ADCY9: variants seen among roughly 807,000 people sequenced by gnomAD.
The protein encoded by ADCY9 is adenylate cyclase type 9.
ADCY9 carries 50 observed loss-of-function variants against 101.5 expected under a neutral mutation model. The observed-to-expected ratio is 0.49, with a 90% CI of 0.39 to 0.62. ADCY9 has a LOEUF of 0.62. ADCY9 is among the 20% of genes least tolerant of loss of function. ADCY9 has a pLI of 0.00. For missense variants in ADCY9, 1,662 were observed against 1,800.4 expected, an observed-to-expected ratio of 0.92 and a Z score of 1.39; for synonymous variants, 905 against 769.3, an observed-to-expected ratio of 1.18 and a Z score of -2.92.
chr16:4,112,636 C>G (rs2057121168), intron 2 of ADCY9, among the ~76,000 whole-genome samples: 1 of 151,916 alleles, frequency 6.6e-6, no homozygotes, highest in African/African-American at 2.4e-5. Context: ...TCCGAGGATT[C>G]CCTTTCCTGA....
At chr16:3,983,521 C>T (rs3730129) in intron 6 of ADCY9, 81 bp from the exon 7 acceptor site, 74,723 of 1,221,146 alleles carry the variant, frequency 0.061, 3,175 homozygotes, top group East Asian at 0.17. Context: ...AAACAGGCAA[C>T]ACGTGCGGAG....
downstream of ADCY9, among the ~76,000 whole-genome samples, chr16:3,961,560 GGGA>G (rs966212670): frequency 2.0e-5 from 3 of 152,054 alleles, no homozygotes; most frequent in African/African-American, 7.2e-5. Flanking sequence ...GTGGCGACTC[GGGA>G]GGAGAGTGAC....
chr16:3,962,426 T>C (rs1429135185), downstream of ADCY9, among the ~76,000 whole-genome samples: 1 of 152,152 alleles, frequency 6.6e-6, no homozygotes, highest in Non-Finnish European at 1.5e-5. Flanking sequence ...TAAAAATAAA[T>C]ACTTTTCAAC....
chr16:4,017,895 C>T (rs773171128), intron 2 of ADCY9, among the ~76,000 whole-genome samples: 37 of 152,220 alleles, frequency 2.4e-4, no homozygotes, highest in Non-Finnish European at 4.9e-4. Flanking sequence ...TTGTCTTCTT[C>T]GAGCACAAAC....
intron 5 of ADCY9, among the ~76,000 whole-genome samples, chr16:3,989,737 C>A (rs2056228888): frequency 6.6e-6 from 1 of 152,184 alleles, no homozygotes; most frequent in Non-Finnish European, 1.5e-5. Context: ...CTTTTCTGTT[C>A]TTTGAAACAA....
intron 2 of ADCY9, among the ~76,000 whole-genome samples, chr16:4,097,771 T>C (rs2057017891): frequency 6.6e-6 from 1 of 151,708 alleles, no homozygotes; most frequent in South Asian, 2.1e-4. Flanking sequence ...GTTCTTGAAC[T>C]CCTGACCTCA....
chr16:4,086,992 G>A (rs1157081137), intron 2 of ADCY9, among the ~76,000 whole-genome samples: 1 of 150,550 alleles, frequency 6.6e-6, no homozygotes, highest in Non-Finnish European at 1.5e-5. Context: ...CCTAATCAAG[G>A]TGCTGCTCCT....
intron 3 of ADCY9, among the ~76,000 whole-genome samples, chr16:4,001,905 C>T (rs929969664): frequency 2.6e-5 from 4 of 152,062 alleles, no homozygotes; most frequent in African/African-American, 9.7e-5. Flanking sequence ...CCAGCCACCA[C>T]ACCCGGCTAA....
In ADCY9 at chr16:4,097,551, A is replaced by ATTTTTTTT. The variant is rs1385822000; in HGVS notation, c.1693+16198_1693+16199insAAAAAAAA. On this transcript the variant is annotated intron_variant, in intron 2 of 10. Coordinates refer to ENST00000294016, the MANE Select transcript of ADCY9 (RefSeq NM_001116.4). Reference sequence around the variant, plus strand: ...TACATATATATATATATATATATATATATTTTTTTTTTTTTTTTTTAAGAC... The same window carrying ATTTTTTTT: ...TACATATATATATATATATATATATATTTTTTTTTATTTTTTTTTTTTTTTTTTAAGAC... 1.7e-3 allele frequency among the ~76,000 whole-genome samples: 89 copies of ATTTTTTTT among 51,028 alleles called. 2 individuals carry two copies. The highest frequency in any genetic ancestry group is 2.3e-3 in the Non-Finnish European group (72 of 31,178). 33.5% of individuals were successfully genotyped at this position (51,028 alleles called of 152,430 possible).
chr16:3,955,414 T>C lies in ADCY9; in HGVS notation c.568-1898A>G, dbSNP rs2055901775. Among the ~76,000 whole-genome samples the C allele has an allele frequency of 2.6e-5, 4 of 152,182 alleles. No homozygotes were observed. The South Asian group carries it at 8.3e-4, about 31-fold the overall frequency. ...TTATCTTCTTAGCTCTTAATTGAATTAATGTCCTGAAAGTTCACATAAATG... is the reference window on the plus strand; with the variant it reads ...TTATCTTCTTAGCTCTTAATTGAATCAATGTCCTGAAAGTTCACATAAATG... On this transcript the variant is annotated intron_variant, in intron 5 of 5. Transcript: ENST00000576936.
At chr16:3,996,974 G>A (rs992133379) in intron 3 of ADCY9, among the ~76,000 whole-genome samples, 1 of 151,956 alleles carries the variant, frequency 6.6e-6, no homozygotes, top group Admixed American at 6.6e-5. Context: ...AAGCAATTCT[G>A]CTGCCTCAAC....
chr16:4,094,909 G>A (rs1255358633), intron 2 of ADCY9, among the ~76,000 whole-genome samples: 1 of 151,838 alleles, frequency 6.6e-6, no homozygotes, highest in Non-Finnish European at 1.5e-5. Flanking sequence ...TTTTAAGAGG[G>A]AAATTATGCT....
intron 2 of ADCY9, among the ~76,000 whole-genome samples, chr16:4,111,659 A>G (rs896230112): frequency 1.3e-5 from 2 of 152,228 alleles, no homozygotes; most frequent in African/African-American, 4.8e-5. Context: ...TCGTGGTCTC[A>G]GAGAAAGAGC....
chr16:4,099,878 C>G (rs577435222), intron 2 of ADCY9, among the ~76,000 whole-genome samples: 24 of 152,300 alleles, frequency 1.6e-4, no homozygotes, highest in Admixed American at 5.2e-4. Flanking sequence ...ATGGCAAGAC[C>G]CTGTCTCTCT....
chr16:3,960,900 AG>A (rs1455689289), downstream of ADCY9, among the ~76,000 whole-genome samples: 1 of 152,246 alleles, frequency 6.6e-6, no homozygotes, highest in Non-Finnish European at 1.5e-5. Flanking sequence ...ATTGCGTGCA[AG>A]TGTGTACTTT....
intron 2 of ADCY9, among the ~76,000 whole-genome samples, chr16:4,087,426 C>G (rs980386726): frequency 1.3e-5 from 2 of 151,332 alleles, no homozygotes; most frequent in African/African-American, 4.9e-5. Flanking sequence ...ATCCCAGCTT[C>G]TTGGGAGGCC....
chr16:4,067,587 G>C (rs568852091), intron 2 of ADCY9, among the ~76,000 whole-genome samples: 1 of 152,218 alleles, frequency 6.6e-6, no homozygotes, highest in South Asian at 2.1e-4. Flanking sequence ...CATTTCCAGG[G>C]TAAGTACTGG....
chr16:4,021,723 T>C (rs2141740263), intron 2 of ADCY9, among the ~76,000 whole-genome samples: 1 of 152,288 alleles, frequency 6.6e-6, no homozygotes, highest in South Asian at 2.1e-4. Context: ...GAAATTCCCT[T>C]ATTGCCGACA....
chr16:4,055,486 A>G (rs2056731562), intron 2 of ADCY9, among the ~76,000 whole-genome samples: 1 of 151,504 alleles, frequency 6.6e-6, no homozygotes, highest in African/African-American at 2.4e-5. Context: ...GTGAGTCAAG[A>G]TCAGGCCATT....
Sources: gnomAD v4.1 joint callset for allele counts (sites outside exome capture counted in the v4.1 genomes callset) on GRCh38, gnomAD v4.1.1 for gene constraint, MANE v1.5 for transcripts, NCBI Gene and HGNC (gene_info 2026-07-23, HGNC 2026-07-21) for gene names.